PCDHGA4: variants seen among roughly 807,000 people sequenced by gnomAD.
PCDHGA4 encodes the protein protocadherin gamma subfamily A, 4.
Under a neutral mutation model 54.6 loss-of-function variants are expected in PCDHGA4, and 38 were observed. That is an observed-to-expected ratio of 0.70 (90% CI 0.54 to 0.91). The LOEUF (loss-of-function observed/expected upper bound fraction) is 0.91, where lower values mean the gene tolerates loss of function less well. Among genes scored for constraint, PCDHGA4 ranks in the 40% least tolerant of loss-of-function variants. The pLI is 0.00. For synonymous variants in PCDHGA4, 511 were observed against 512.9 expected (o/e 1.00, Z 0.05); for missense variants, 1,298 against 1,220.9 (o/e 1.06, Z -0.94).
At position 141,387,642 on chromosome 5, in the gene PCDHGA4, C is replaced by A. The variant is rs554256672; in HGVS notation, c.2514+30021C>A. The A allele has an allele frequency of 6.9e-5, 43 of 622,250 alleles. No homozygotes were observed. In the African/African-American group the frequency reaches 7.8e-4, roughly 11 times the overall value. 38.5% of individuals were successfully genotyped at this position (622,250 alleles called of 1,614,324 possible). On this transcript the variant is annotated intron_variant, in intron 1 of 3. Transcript: ENST00000571252. ...TGCTGACTCTGGGCGCCGCTGTTGG[C>A]CAAAGTGGAGAGCTTGGCGCTCCAG...
rs188874944 is a variant in PCDHGA4, at chr5:141,446,708, C to T, written c.2515-48099C>T. Among the ~76,000 whole-genome samples, 183 of 152,314 alleles carry T rather than the reference C, an allele frequency of 1.2e-3. 1 individual carries two copies. The highest frequency in any genetic ancestry group is 2.1e-3 in the Admixed American group (32 of 15,302). On this transcript the variant is annotated intron_variant, in intron 1 of 3. Coordinates refer to ENST00000571252, the MANE Select transcript of PCDHGA4 (RefSeq NM_018917.4). ...GGCCAGGCTGGTCTCGAACTCTGAT[C>T]TGCCCGCCTCGGCCTCCCAAAGTGT...
chr5:141,357,964 C>T (rs12386471), intron 1 of PCDHGA4, among the ~76,000 whole-genome samples: 21,408 of 152,030 alleles, frequency 0.14, 2,088 homozygotes, highest in African/African-American at 0.28. Flanking sequence ...GTGAGGAGGA[C>T]GGATTGCCTG....
chr5:141,419,656 G>C lies in PCDHGA4; in HGVS notation c.2514+62035G>C. The C allele has an allele frequency of 1.9e-6, 3 of 1,612,648 alleles. No homozygotes were observed. The East Asian group carries it at 6.7e-5, about 36-fold the overall frequency. ...TGGTGGCCGTGGACGCGGACTCGGGGCACAATGCCTGGCTGTCCTACCACG... is the reference window on the plus strand; with the variant it reads ...TGGTGGCCGTGGACGCGGACTCGGGCCACAATGCCTGGCTGTCCTACCACG... On this transcript the variant is annotated intron_variant, in intron 1 of 3. Transcript: ENST00000571252.
At chr5:141,419,311 C>G (rs745852942) in intron 1 of PCDHGA4, 1 of 1,613,994 alleles carries the variant, frequency 6.2e-7, no homozygotes, top group Non-Finnish European at 8.5e-7. Flanking sequence ...TCGGGCTCAA[C>G]GGCCGTGTCT....
rs370127569 is a variant in PCDHGA4 at position 141,422,859 on chromosome 5, C to T, written c.2514+65238C>T. 1.4e-5 allele frequency: 22 copies of T among 1,614,148 alleles called. No homozygotes were observed. In the African/African-American group the frequency reaches 2.5e-4, roughly 19 times the overall value. ...GTGACAGCGGGGACCCGCCCCTCAG[C>T]AGCAACGTGTCGCTGAGCCTGTTCG... On this transcript the variant is annotated intron_variant, in intron 1 of 3. Transcript: ENST00000571252.
intron 1 of PCDHGA4, chr5:141,383,820 A>C: frequency 6.2e-7 from 1 of 1,613,924 alleles, no homozygotes; most frequent in Non-Finnish European, 8.5e-7. Flanking sequence ...TAGAAGGATT[A>C]GATTATGAAG....
chr5:141,399,459 C>T (rs897098728), intron 1 of PCDHGA4: 6 of 1,613,894 alleles, frequency 3.7e-6, no homozygotes, highest in Non-Finnish European at 5.1e-6. Context: ...TCAACGATAA[C>T]GCTCCGGTTT....
chr5:141,510,359 T>A (rs1229932307), intron 3 of PCDHGA4, among the ~76,000 whole-genome samples: 3 of 143,318 alleles, frequency 2.1e-5, no homozygotes, highest in African/African-American at 7.7e-5. Flanking sequence ...CTAACGGAAC[T>A]ACCGAATCTC....
At chr5:141,364,029 G>T (rs1236372834) in intron 1 of PCDHGA4, among the ~76,000 whole-genome samples, 1 of 152,176 alleles carries the variant, frequency 6.6e-6, no homozygotes, top group Non-Finnish European at 1.5e-5. Flanking sequence ...TAAACATTAA[G>T]GATATGGCAA....
intron 1 of PCDHGA4, among the ~76,000 whole-genome samples, chr5:141,406,747 CA>C (rs889749071): frequency 1.2e-4 from 19 of 152,168 alleles, no homozygotes; most frequent in Non-Finnish European, 2.1e-4. Flanking sequence ...TGTGAAATGA[CA>C]AAACAAGGAA....
In PCDHGA4 at chr5:141,404,546, G is replaced by A. The variant is rs753308273; in HGVS notation, c.2514+46925G>A. 11 of 1,613,800 alleles carry A rather than the reference G, an allele frequency of 6.8e-6. No individual in the cohort carries two copies. In the East Asian group the frequency reaches 2.2e-4, roughly 33 times the overall value. ...GCAGTTTAGAGATTTGCAAATGCAGGTGACGGCAAGTGACAGTGGAAGCCC... is the reference window on the plus strand; with the variant it reads ...GCAGTTTAGAGATTTGCAAATGCAGATGACGGCAAGTGACAGTGGAAGCCC... On this transcript the variant is annotated intron_variant, in intron 1 of 3. Transcript: ENST00000571252.
chr5:141,397,223 T>G (rs144227558), intron 1 of PCDHGA4, among the ~76,000 whole-genome samples: 2 of 152,186 alleles, frequency 1.3e-5, no homozygotes, highest in Admixed American at 6.5e-5. Context: ...TATTTTGAGA[T>G]ATGAAGAAGA....
At position 141,486,427 on chromosome 5, in the gene PCDHGA4, A is replaced by T. The variant is rs775958317; in HGVS notation, c.2515-8380A>T. ...CTGGACCCTTGGATCGAGAGGCCAAATCTAGCTATGACATCATGGTCACTG... is the reference window on the plus strand; with the variant it reads ...CTGGACCCTTGGATCGAGAGGCCAATTCTAGCTATGACATCATGGTCACTG... On this transcript the variant is annotated intron_variant, in intron 1 of 3. Transcript: ENST00000571252. The surrounding 1 kb of genome is among the most constrained non-coding windows in gnomAD (Gnocchi z 5.0). 17 of 1,614,042 alleles carry T rather than the reference A, an allele frequency of 1.1e-5. No homozygotes were observed. The Admixed American group carries it at 2.8e-4, about 27-fold the overall frequency.
rs1226558966 is a variant in PCDHGA4, at chr5:141,432,589, G to C, written c.2515-62218G>C. The C allele has an allele frequency of 6.2e-7, 1 of 1,613,916 alleles. No homozygotes were observed. The highest frequency in any genetic ancestry group is 8.5e-7 in the Non-Finnish European group (1 of 1,179,974). The stretch of plus-strand genomic sequence containing the variant: ...CCTGGCTGTCCTACCGTCTGCTCAA[G>C]GCCAGCGAGCCGGGACTCTTCTCGG... On this transcript the variant is annotated intron_variant, in intron 1 of 3. Coordinates refer to ENST00000571252, the MANE Select transcript of PCDHGA4 (RefSeq NM_018917.4). The surrounding 1 kb of genome is among the most constrained non-coding windows in gnomAD (Gnocchi z 6.0).
In PCDHGA4 at chr5:141,512,133, G is replaced by A. The variant is rs1394116556; in HGVS notation, c.*960G>A. ...CCACTACATAATAGGGCTCAGCCCA[G>A]GCAGCCAGCTTTGGGCTGAGCTAAC... On this transcript the variant is annotated 3_prime_UTR_variant, in exon 4 of 4. Coordinates refer to ENST00000571252, the MANE Select transcript of PCDHGA4 (RefSeq NM_018917.4). 3 of 152,708 alleles carry A rather than the reference G, an allele frequency of 2.0e-5. No homozygotes were observed. Among genetic ancestry groups the A allele is most frequent in the Non-Finnish European group, 2.9e-5 (2 of 68,102 alleles). 9.5% of individuals were successfully genotyped at this position (152,708 alleles called of 1,614,324 possible).
intron 1 of PCDHGA4, chr5:141,428,075 A>G (rs1427780901): frequency 5.0e-6 from 8 of 1,609,154 alleles, no homozygotes; most frequent in Non-Finnish European, 4.2e-6. Context: ...CAGATTCGGG[A>G]CACAACGCTT....
rs368075478 is a variant in PCDHGA4, at chr5:141,403,866, A to G, written c.2514+46245A>G. The G allele has an allele frequency of 1.3e-4, 207 of 1,613,762 alleles. No individual in the cohort carries two copies. Among genetic ancestry groups the G allele is most frequent in the Non-Finnish European group, 1.6e-4 (186 of 1,179,844 alleles). On this transcript the variant is annotated intron_variant, in intron 1 of 3. Transcript: ENST00000571252. ...AATACTGGGGAAATATCAACAGCAA[A>G]AAGTCTAGATTATGAAGAATGTTCA...
Position 141,477,833 on chromosome 5 carries a change from G to C in PCDHGA4, c.2515-16974G>C. Reference sequence around the variant, plus strand: ...CCCCCAGGTCCTATATCCTCGGCCAGGTGGGAGCTCGGTGGAGATGCTGCC... The same window carrying C: ...CCCCCAGGTCCTATATCCTCGGCCACGTGGGAGCTCGGTGGAGATGCTGCC... On this transcript the variant is annotated intron_variant, in intron 1 of 3. Transcript: ENST00000571252. This position sits in a 1 kb window ranked among gnomAD's most constrained non-coding sequence, Gnocchi z 4.9. The C allele has an allele frequency of 6.2e-7, 1 of 1,614,174 alleles. No individual in the cohort carries two copies.
chr5:141,457,959 T>C (rs1426112930), intron 1 of PCDHGA4, among the ~76,000 whole-genome samples: 3 of 152,208 alleles, frequency 2.0e-5, no homozygotes, highest in Admixed American at 2.0e-4. Flanking sequence ...CAAGCTTGAT[T>C]CCTTAAAGGG....
Sources: gnomAD v4.1 joint callset for allele counts (sites outside exome capture counted in the v4.1 genomes callset) on GRCh38, gnomAD v4.1.1 for gene constraint, Gnocchi (gnomAD v3.1) non-coding constraint, MANE v1.5 for transcripts, NCBI Gene and HGNC (gene_info 2026-07-23, HGNC 2026-07-21) for gene names.